GLIS3: variants seen among roughly 807,000 people sequenced by gnomAD.
GLIS3 encodes zinc finger protein GLIS3.
In GLIS3, 53 loss-of-function variants were observed where a neutral mutation model predicts 78.6. That is an observed-to-expected ratio of 0.67 (90% CI 0.54 to 0.85). The LOEUF is 0.85. GLIS3 is among the 40% of genes least tolerant of loss of function. The probability of loss-of-function intolerance (pLI) is 0.00; values close to 1 mark genes in which losing one functional copy is unlikely to be tolerated. For synonymous variants in GLIS3, 684 were observed against 509.9 expected, an observed-to-expected ratio of 1.34 and a Z score of -4.60; for missense variants, 1,703 against 1,231.1, an observed-to-expected ratio of 1.38 and a Z score of -5.74.
the GLIS3 span, among the ~76,000 whole-genome samples, chr9:4,417,625 A>G: frequency 6.6e-6 from 1 of 152,232 alleles, no homozygotes; most frequent in Admixed American, 6.5e-5. Context: ...ATACATCTGT[A>G]GGGCGAATAT....
At chr9:4,464,546 C>A in the GLIS3 span, among the ~76,000 whole-genome samples, 2 of 152,016 alleles carry the variant, frequency 1.3e-5, no homozygotes, top group South Asian at 4.1e-4. Flanking sequence ...AAGTGCCCAC[C>A]ACAACACCAG....
At chr9:4,178,259 C>T (rs530721547) in intron 2 of GLIS3, among the ~76,000 whole-genome samples, 3 of 151,870 alleles carry the variant, frequency 2.0e-5, no homozygotes, top group African/African-American at 7.3e-5. Context: ...TTTCTGCCCC[C>T]ACAATTTACT....
chr9:3,852,842 A>G (rs567330589), intron 9 of GLIS3, among the ~76,000 whole-genome samples: 11 of 152,238 alleles, frequency 7.2e-5, no homozygotes, highest in African/African-American at 2.4e-4. Flanking sequence ...GCCTAACTAT[A>G]TTTTAAACTT....
At chr9:4,459,362 C>A in the GLIS3 span, among the ~76,000 whole-genome samples, 2 of 152,164 alleles carry the variant, frequency 1.3e-5, no homozygotes, top group African/African-American at 4.8e-5. Context: ...GCTATCCAAT[C>A]TTTAGGGATT....
intron 4 of GLIS3, among the ~76,000 whole-genome samples, chr9:4,056,837 G>A (rs570949074): frequency 1.2e-4 from 18 of 147,988 alleles, no homozygotes; most frequent in East Asian, 4.0e-4. Context: ...AAAAGCAGCC[G>A]ACTAATTGCC....
intron 4 of GLIS3, among the ~76,000 whole-genome samples, chr9:4,069,714 G>T (rs949702944): frequency 1.3e-5 from 2 of 152,058 alleles, no homozygotes; most frequent in African/African-American, 2.4e-5. Context: ...TACTTACAGG[G>T]AAATTAAGCC....
At chr9:4,182,482 AT>A (rs1198977365) in intron 2 of GLIS3, among the ~76,000 whole-genome samples, 2 of 152,254 alleles carry the variant, frequency 1.3e-5, no homozygotes, top group African/African-American at 4.8e-5. Context: ...GGGATATTTT[AT>A]CATCAGTGAC....
intron 4 of GLIS3, among the ~76,000 whole-genome samples, chr9:4,306,460 G>A (rs1817231090): frequency 6.6e-6 from 1 of 152,150 alleles, no homozygotes; most frequent in South Asian, 2.1e-4. Context: ...TTATCCATTT[G>A]GTTGTCAGAC....
intron 2 of GLIS3, among the ~76,000 whole-genome samples, chr9:4,313,377 T>G (rs887577884): frequency 6.6e-6 from 1 of 152,144 alleles, no homozygotes; most frequent in Non-Finnish European, 1.5e-5. Flanking sequence ...CCCCTCTCCA[T>G]CTCACCTTCC....
chr9:4,343,411 A>T (rs1256177464), intron 2 of GLIS3, among the ~76,000 whole-genome samples: 1 of 152,224 alleles, frequency 6.6e-6, no homozygotes, highest in East Asian at 1.9e-4. Context: ...AAGGTAAAAA[A>T]ATAACATGCT....
intron 8 of GLIS3, among the ~76,000 whole-genome samples, chr9:3,871,774 A>G (rs1405530725): frequency 1.3e-5 from 2 of 152,072 alleles, no homozygotes; most frequent in East Asian, 1.9e-4. Flanking sequence ...TGCTGTGAAG[A>G]CCTCTGAGAT....
At chr9:4,409,096 A>T in the GLIS3 span, among the ~76,000 whole-genome samples, 1 of 152,186 alleles carries the variant, frequency 6.6e-6, no homozygotes, top group South Asian at 2.1e-4. Flanking sequence ...GTAACTCATA[A>T]ACCAGTCTTG....
chr9:4,484,244 T>TA, the GLIS3 span, among the ~76,000 whole-genome samples: 63 of 148,174 alleles, frequency 4.3e-4, no homozygotes, highest in South Asian at 2.2e-4. Flanking sequence ...TTTTTATTTT[T>TA]TTTATTTTTT....
At chr9:4,275,120 A>G (rs1271305872) in intron 2 of GLIS3, among the ~76,000 whole-genome samples, 9 of 152,206 alleles carry the variant, frequency 5.9e-5, no homozygotes, top group Admixed American at 5.9e-4. Context: ...AAGACTTCAT[A>G]TAGATAGAGG....
At position 4,118,714 on chromosome 9, in the gene GLIS3, G is replaced by T. The variant is rs777945478; in HGVS notation, c.764C>A (p.Pro255His). 2.5e-6 allele frequency: 4 copies of T among 1,614,092 alleles called. No homozygotes were observed. Among genetic ancestry groups the T allele is most frequent in the African/African-American group, 1.3e-5 (1 of 75,024 alleles). Residue 255 changes from proline to histidine, a missense_variant, in exon 4 of 11, where the codon CCT (proline) becomes CAT (histidine). Pro to His is a moderately conservative substitution (Grantham distance 77). Transcript: ENST00000381971. The surrounding 1 kb of genome is among the most constrained non-coding windows in gnomAD (Gnocchi z 4.7). Reference protein sequence around the residue: ...GLDLGDLLSLPPGTSMSSNSV... With the variant: ...GLDLGDLLSLHPGTSMSSNSV... ...ATTGCTGGACATGGATGTCCCGGGA[G>T]GAAGGCTAAGGAGATCCCCTAGATC...
chr9:4,237,667 T>C (rs2129642389), intron 2 of GLIS3, among the ~76,000 whole-genome samples: 1 of 152,362 alleles, frequency 6.6e-6, no homozygotes, highest in East Asian at 1.9e-4. Flanking sequence ...TTTGTCAAAC[T>C]GTTGATTCTC....
At chr9:4,025,988 A>G (rs1823304785) in intron 4 of GLIS3, among the ~76,000 whole-genome samples, 1 of 152,218 alleles carries the variant, frequency 6.6e-6, no homozygotes, top group Admixed American at 6.5e-5. Flanking sequence ...GTAATGTTTA[A>G]AAGTAGAAGT....
intron 2 of GLIS3, among the ~76,000 whole-genome samples, chr9:4,319,987 G>C: frequency 4.2e-5 from 1 of 23,970 alleles, no homozygotes; most frequent in Non-Finnish European, 7.0e-5. Context: ...AGGGGGTTGT[G>C]TGTGTGTGTG....
the GLIS3 span, among the ~76,000 whole-genome samples, chr9:4,459,878 T>G: frequency 1.3e-5 from 2 of 152,314 alleles, no homozygotes; most frequent in South Asian, 4.2e-4. Flanking sequence ...TGCTAAATGC[T>G]GCTGAATGAT....
Sources: gnomAD v4.1 joint callset for allele counts (sites outside exome capture counted in the v4.1 genomes callset) on GRCh38, gnomAD v4.1.1 for gene constraint, Gnocchi (gnomAD v3.1) non-coding constraint, MANE v1.5 for transcripts, NCBI Gene and HGNC (gene_info 2026-07-23, HGNC 2026-07-21) for gene names.